The following EPB41 variants were observed in gnomAD, a reference collection of about 807,000 sequenced individuals.
The protein encoded by EPB41 is protein 4.1.
A neutral mutation model predicts 108.0 loss-of-function variants in EPB41; 65 were observed. That is an observed-to-expected ratio of 0.60 (90% CI 0.49 to 0.74). EPB41 has a LOEUF of 0.74. Among genes scored for constraint, EPB41 ranks in the 30% least tolerant of loss-of-function variants. EPB41 has a pLI of 0.00. For synonymous variants in EPB41, 336 were observed against 358.9 expected (o/e 0.94, Z 0.72); for missense variants, 875 against 1,037.0 (o/e 0.84, Z 2.15).
intron 1 of EPB41, among the ~76,000 whole-genome samples, chr1:28,947,372 CACTCCCGTCTGGCGACGGAGCGAG>C (rs1458070856): frequency 6.6e-6 from 1 of 151,858 alleles, no homozygotes; most frequent in African/African-American, 2.4e-5. Context: ...CGCACCACTG[CACTCCCGTCTGGCGACGGAGCGAG>C]ACTCCGTCTC....
chr1:28,973,079 T>G (rs897067452), intron 1 of EPB41, among the ~76,000 whole-genome samples: 2 of 152,182 alleles, frequency 1.3e-5, no homozygotes, highest in African/African-American at 4.8e-5. Flanking sequence ...GATACTTTCC[T>G]GTGGTTTTGG....
chr1:29,081,117 G>A (rs768290588), intron 16 of EPB41, among the ~76,000 whole-genome samples: 69 of 152,206 alleles, frequency 4.5e-4, no homozygotes, highest in Non-Finnish European at 8.7e-4. Flanking sequence ...TTGCTTAGTC[G>A]TAAGACAGAG....
At chr1:28,952,346 T>C (rs948957240) in intron 1 of EPB41, among the ~76,000 whole-genome samples, 1 of 151,936 alleles carries the variant, frequency 6.6e-6, no homozygotes, top group African/African-American at 2.4e-5. Context: ...ACCAACATGG[T>C]GAAACCCTGT....
intron 16 of EPB41, among the ~76,000 whole-genome samples, chr1:29,075,284 C>T (rs2151166612): frequency 6.6e-6 from 1 of 152,208 alleles, no homozygotes; most frequent in African/African-American, 2.4e-5. Context: ...TCAAGACCAG[C>T]CTGGCTAACA....
At chr1:29,041,797 C>A (rs1217999647) in intron 11 of EPB41, among the ~76,000 whole-genome samples, 1 of 152,130 alleles carries the variant, frequency 6.6e-6, no homozygotes, top group Non-Finnish European at 1.5e-5. Context: ...CATTTATGAG[C>A]TATGTTCCTA....
chr1:29,047,253 CTTTT>C (rs755248112), intron 11 of EPB41, among the ~76,000 whole-genome samples: 3 of 100,522 alleles, frequency 3.0e-5, no homozygotes, highest in African/African-American at 1.5e-4. Context: ...TCTTTCTTTC[CTTTT>C]TTTTTTTTTT....
chr1:29,043,706 G>A (rs993171083), intron 11 of EPB41, among the ~76,000 whole-genome samples: 1 of 152,174 alleles, frequency 6.6e-6, no homozygotes, highest in African/African-American at 2.4e-5. Context: ...TATTTCATTT[G>A]CACTGGGAAG....
chr1:29,050,440 A>C (rs921029723), intron 11 of EPB41, among the ~76,000 whole-genome samples: 1 of 152,224 alleles, frequency 6.6e-6, no homozygotes, highest in Non-Finnish European at 1.5e-5. Context: ...TAGTTGAATT[A>C]ATTCTTTGAG....
At chr1:28,981,929 T>C (rs34474391) in intron 1 of EPB41, among the ~76,000 whole-genome samples, 46,036 of 151,340 alleles carry the variant, frequency 0.3, 8,775 homozygotes, top group Non-Finnish European at 0.41. Context: ...AGTTTTAGGG[T>C]ACATGTGCAC....
intron 1 of EPB41, among the ~76,000 whole-genome samples, chr1:28,984,941 G>C (rs1023686381): frequency 7.2e-5 from 11 of 152,128 alleles, no homozygotes; most frequent in Admixed American, 6.6e-5. Context: ...TTACAGGCGT[G>C]AGCCACCATG....
At chr1:28,933,623 T>G (rs928173537) in intron 1 of EPB41, among the ~76,000 whole-genome samples, 1 of 152,224 alleles carries the variant, frequency 6.6e-6, no homozygotes, top group African/African-American at 2.4e-5. Context: ...CTCCAATCTG[T>G]GATAGTATCT....
chr1:29,091,521 A>G (rs2254241), intron 16 of EPB41, among the ~76,000 whole-genome samples: 125,350 of 152,108 alleles, frequency 0.82, 52,135 homozygotes, highest in Middle Eastern at 0.89. Flanking sequence ...TGTCCCCCAG[A>G]CCCTAGGACA....
chr1:29,030,814 C>CT (rs910935865), intron 8 of EPB41, among the ~76,000 whole-genome samples: 5 of 151,212 alleles, frequency 3.3e-5, no homozygotes, highest in African/African-American at 9.7e-5. Flanking sequence ...TTCTTGTTAG[C>CT]TTTTTTTTGT....
chr1:29,091,655 GTAT>G (rs2151415916), intron 16 of EPB41, among the ~76,000 whole-genome samples: 1 of 152,264 alleles, frequency 6.6e-6, no homozygotes, highest in Non-Finnish European at 1.5e-5. Context: ...GTCAAACCAA[GTAT>G]TATTTTCATG....
chr1:29,023,764 G>T (rs942597060), intron 7 of EPB41, among the ~76,000 whole-genome samples: 1 of 151,860 alleles, frequency 6.6e-6, no homozygotes, highest in African/African-American at 2.4e-5. Flanking sequence ...GAATAAAGAG[G>T]TCCTGAGATC....
intron 1 of EPB41, among the ~76,000 whole-genome samples, chr1:28,966,466 G>C (rs1284792158): frequency 1.3e-5 from 2 of 152,176 alleles, no homozygotes; most frequent in African/African-American, 4.8e-5. Context: ...GGGCAACAGG[G>C]ATGAAACAAT....
chr1:28,891,087 GC>G, intron 1 of EPB41: 2 of 682,066 alleles, frequency 2.9e-6, no homozygotes, highest in Non-Finnish European at 3.6e-6. Context: ...CAGAGGGGCA[GC>G]CCCACGCAGC....
Position 29,119,434 on chromosome 1 carries a change from T to G in EPB41, c.*2622T>G, listed in dbSNP as rs1050060645. On this transcript the variant is annotated 3_prime_UTR_variant, in exon 21 of 21. Coordinates refer to ENST00000343067, the MANE Select transcript of EPB41 (RefSeq NM_001376013.1). ...CTCAGACACACCACAGTAACAACTC[T>G]CGCTGCAATTTTATTTTAATTTGAG... 2.9e-4 allele frequency: 44 copies of G among 152,614 alleles called. No individual in the cohort carries two copies. Among genetic ancestry groups the G allele is most frequent in the African/African-American group, 1.0e-3 (42 of 41,450 alleles). The allele number at this position is 152,614 out of a possible 1,614,324, so 9.5% of individuals were successfully genotyped here.
chr1:28,892,093 CAAAAAAAA>C (rs748788169), intron 1 of EPB41, among the ~76,000 whole-genome samples: 1 of 69,810 alleles, frequency 1.4e-5, no homozygotes, highest in Non-Finnish European at 2.6e-5. Flanking sequence ...GACTGCATCT[CAAAAAAAA>C]AAAAAAAAAA....
Sources: gnomAD v4.1 joint callset for allele counts (sites outside exome capture counted in the v4.1 genomes callset) on GRCh38, gnomAD v4.1.1 for gene constraint, MANE v1.5 for transcripts, NCBI Gene and HGNC (gene_info 2026-07-23, HGNC 2026-07-21) for gene names.